The following PTPN11 variants were observed in gnomAD, a reference collection of about 807,000 sequenced individuals.
The protein encoded by PTPN11 is tyrosine-protein phosphatase non-receptor type 11.
A neutral mutation model predicts 78.8 loss-of-function variants in PTPN11; 6 were observed. The ratio of observed to expected loss-of-function variants is 0.08; its 90% confidence interval spans 0.04 to 0.15. PTPN11 has a LOEUF of 0.15. Ranked by LOEUF, PTPN11 falls within the 10% of genes least tolerant of loss-of-function variation. The pLI is 1.00. For synonymous variants in PTPN11, 221 were observed against 263.5 expected, an observed-to-expected ratio of 0.84 and a Z score of 1.56; for missense variants, 386 against 744.8, an observed-to-expected ratio of 0.52 and a Z score of 5.61.
intron 6 of PTPN11, among the ~76,000 whole-genome samples, chr12:112,456,458 C>CTTTTTTTT (rs11320404): frequency 8.0e-6 from 1 of 124,598 alleles, no homozygotes; most frequent in Non-Finnish European, 1.7e-5. Flanking sequence ...CTTGTGGTGG[C>CTTTTTTTT]TTTTTTTTTT....
chr12:112,477,206 A>C (rs2038518491), intron 7 of PTPN11, among the ~76,000 whole-genome samples: 1 of 152,046 alleles, frequency 6.6e-6, no homozygotes, highest in Non-Finnish European at 1.5e-5. Context: ...TAATAGAGAC[A>C]GGGTTTTGTC....
At chr12:112,481,118 A>G (rs2038588742) in intron 9 of PTPN11, among the ~76,000 whole-genome samples, 1 of 152,234 alleles carries the variant, frequency 6.6e-6, no homozygotes. Context: ...TAGAAAAAGC[A>G]GCTGGTTCAA....
At chr12:112,498,023 C>T (rs921788914) in intron 13 of PTPN11, among the ~76,000 whole-genome samples, 1 of 151,998 alleles carries the variant, frequency 6.6e-6, no homozygotes, top group South Asian at 2.1e-4. Context: ...CATGGTGGCT[C>T]ACACCTGTAG....
intron 1 of PTPN11, among the ~76,000 whole-genome samples, chr12:112,438,998 C>G (rs911219628): frequency 1.3e-5 from 2 of 152,110 alleles, no homozygotes; most frequent in African/African-American, 4.8e-5. Flanking sequence ...TCATCGTTGT[C>G]CTTGGCTACC....
chr12:112,477,554 G>T, intron 7 of PTPN11, 97 bp from the exon 8 acceptor site: 3 of 951,182 alleles, frequency 3.2e-6, no homozygotes, highest in South Asian at 2.8e-5. Flanking sequence ...ATCATTGAAT[G>T]AACAAAACTT....
At chr12:112,492,713 C>T (rs59184663) in intron 13 of PTPN11, among the ~76,000 whole-genome samples, 2,723 of 151,918 alleles carry the variant, frequency 0.018, 80 homozygotes, top group African/African-American at 0.06. Context: ...GAGACGGGGT[C>T]TCACCGTGTT....
intron 6 of PTPN11, among the ~76,000 whole-genome samples, chr12:112,472,513 G>C (rs2135894191): frequency 6.6e-6 from 1 of 150,474 alleles, no homozygotes; most frequent in South Asian, 2.1e-4. Flanking sequence ...CTCCACAGTT[G>C]TTGCAGCATT....
chr12:112,506,990 GA>G lies in PTPN11; in HGVS notation c.*1199del. On this transcript the variant is annotated 3_prime_UTR_variant, in exon 16 of 16. Transcript: ENST00000351677. ...TGATGATGATGATGATGATGATGAT[GA>G]TGGTTTTTTCTAATCAGAAGAAAGC... 1 of 257,160 alleles carries G rather than the reference GA, an allele frequency of 3.9e-6. No homozygotes were observed. The allele number at this position is 257,160 out of a possible 1,614,324, so 15.9% of individuals were successfully genotyped here. A position where few individuals can be genotyped will look rare whatever the true frequency, so the allele number is the denominator to read the frequency against.
chr12:112,453,534 C>T, intron 4 of PTPN11, 147 bp downstream of exon 4: 6 of 711,200 alleles, frequency 8.4e-6, no homozygotes, highest in Non-Finnish European at 1.3e-5. Flanking sequence ...CAGGGTCTTG[C>T]TCTATCACCT....
intron 6 of PTPN11, among the ~76,000 whole-genome samples, chr12:112,460,175 C>G (rs562228457): frequency 6.6e-6 from 1 of 151,648 alleles, no homozygotes; most frequent in African/African-American, 2.4e-5. Context: ...CTCAAACTTC[C>G]GACCTCAGGT....
In PTPN11 at chr12:112,504,884, A is replaced by G. The variant is rs2038915151; in HGVS notation, c.*32+88A>G. ...GCAAGCAATTTGGGAATGTTTTAGC[A>G]AAGTGTACCATAATTGAGTTTTACA... is the stretch of plus-strand genomic sequence containing the variant. On this transcript the variant is annotated intron_variant, in intron 15 of 15. Transcript: ENST00000351677. This position sits in a 1 kb window ranked among gnomAD's most constrained non-coding sequence, Gnocchi z 4.7. 2.4e-6 allele frequency: 2 copies of G among 835,364 alleles called. No homozygotes were observed. Among genetic ancestry groups the G allele is most frequent in the Non-Finnish European group, 4.0e-6 (2 of 505,056 alleles). The allele number at this position is 835,364 out of a possible 1,614,324, so 51.7% of individuals were successfully genotyped here.
At chr12:112,491,456 T>C (rs1420624893) in intron 13 of PTPN11, among the ~76,000 whole-genome samples, 2 of 152,168 alleles carry the variant, frequency 1.3e-5, no homozygotes, top group Admixed American at 1.3e-4. Flanking sequence ...TATACCCCTT[T>C]GTCTCTAAAT....
chr12:112,442,485 C>T (rs898131520), intron 1 of PTPN11, among the ~76,000 whole-genome samples: 2 of 151,712 alleles, frequency 1.3e-5, no homozygotes, highest in Non-Finnish European at 1.5e-5. Flanking sequence ...TGGAGTATTG[C>T]TCCATCACCC....
At chr12:112,492,610 C>T (rs189452071) in intron 13 of PTPN11, among the ~76,000 whole-genome samples, 18 of 151,950 alleles carry the variant, frequency 1.2e-4, no homozygotes, top group African/African-American at 2.9e-4. Flanking sequence ...CTCCACCTCC[C>T]GGGTTGACGC....
intron 2 of PTPN11, among the ~76,000 whole-genome samples, chr12:112,449,367 C>T (rs1341657493): frequency 1.3e-5 from 2 of 151,672 alleles, no homozygotes; most frequent in African/African-American, 2.4e-5. Flanking sequence ...TTTAGCTGGG[C>T]GTCGTGGCGG....
At chr12:112,422,014 C>G (rs187031945) in intron 1 of PTPN11, among the ~76,000 whole-genome samples, 2 of 152,190 alleles carry the variant, frequency 1.3e-5, no homozygotes, top group East Asian at 3.9e-4. Flanking sequence ...GAAAATATTG[C>G]TATTTTCATG....
chr12:112,451,176 A>G (rs2038074395), intron 3 of PTPN11, among the ~76,000 whole-genome samples: 1 of 152,022 alleles, frequency 6.6e-6, no homozygotes, highest in South Asian at 2.1e-4. Flanking sequence ...GTTAGTTTGT[A>G]TATTTTGTGT....
At chr12:112,447,799 C>CTTT (rs77664062) in intron 2 of PTPN11, among the ~76,000 whole-genome samples, 3 of 131,718 alleles carry the variant, frequency 2.3e-5, no homozygotes, top group Non-Finnish European at 3.3e-5. Flanking sequence ...CATGCCTGGC[C>CTTT]TTTTTTTTTT....
intron 10 of PTPN11, among the ~76,000 whole-genome samples, chr12:112,484,802 G>A (rs1427643657): frequency 2.0e-5 from 3 of 151,918 alleles, no homozygotes; most frequent in Admixed American, 6.6e-5. Flanking sequence ...CAAGAGGATC[G>A]TGTTAGCTCA....
Sources: allele counts gnomAD v4.1 joint callset (sites outside exome capture counted in the v4.1 genomes callset), GRCh38; gene constraint gnomAD v4.1.1; non-coding constraint Gnocchi (gnomAD v3.1); transcripts MANE v1.5; gene names NCBI Gene and HGNC (gene_info 2026-07-23, HGNC 2026-07-21).